Variants in PTPRD observed in about 807,000 individuals in gnomAD.
PTPRD encodes receptor-type tyrosine-protein phosphatase delta.
Under a neutral mutation model 214.5 loss-of-function variants are expected in PTPRD, and 34 were observed. The observed-to-expected ratio is 0.16, with a 90% CI of 0.12 to 0.21. PTPRD has a LOEUF of 0.21. PTPRD is among the 10% of genes least tolerant of loss of function. The probability of loss-of-function intolerance (pLI) is 1.00; values close to 1 mark genes in which losing one functional copy is unlikely to be tolerated. For synonymous variants in PTPRD, 1,128 were observed against 845.7 expected (o/e 1.33, Z -5.79); for missense variants, 2,545 against 2,398.7 (o/e 1.06, Z -1.27).
At chr9:9,898,691 A>G (rs758995382) in intron 5 of PTPRD, among the ~76,000 whole-genome samples, 24 of 152,106 alleles carry the variant, frequency 1.6e-4, no homozygotes, top group Admixed American at 1.3e-4. Context: ...GGATTGAGAT[A>G]TTTGGCATAG....
At chr9:8,346,104 C>G (rs1857359072) in intron 39 of PTPRD, among the ~76,000 whole-genome samples, 1 of 152,090 alleles carries the variant, frequency 6.6e-6, no homozygotes, top group Admixed American at 6.6e-5. Context: ...TCCTCCCACT[C>G]TCAGGCTCTC....
intron 5 of PTPRD, among the ~76,000 whole-genome samples, chr9:9,924,305 A>G (rs1452899270): frequency 6.6e-6 from 1 of 152,020 alleles, no homozygotes; most frequent in Non-Finnish European, 1.5e-5. Flanking sequence ...GTAGTTACCA[A>G]AAGGACCAGA....
chr9:9,241,347 AT>A (rs2099970256), intron 9 of PTPRD, among the ~76,000 whole-genome samples: 1 of 152,132 alleles, frequency 6.6e-6, no homozygotes, highest in African/African-American at 2.4e-5. Context: ...GAGTATTCTC[AT>A]TTTTATGGCA....
chr9:9,947,791 T>TA lies in PTPRD; in HGVS notation c.-471-9182dup, dbSNP rs1308787132. Among the ~76,000 whole-genome samples, 9 of 146,288 alleles carry TA rather than the reference T, an allele frequency of 6.2e-5. No homozygotes were observed. In the South Asian group the frequency reaches 8.5e-4, roughly 14 times the overall value. Reference sequence around the variant, plus strand: ...ACTTTTCCTATAACATGTATGAACCTAAAAAAAATCCATAAAGAGATTCAA... The same window carrying TA: ...ACTTTTCCTATAACATGTATGAACCTAAAAAAAAATCCATAAAGAGATTCAA... On this transcript the variant is annotated intron_variant, in intron 4 of 45. Coordinates refer to ENST00000381196, the MANE Select transcript of PTPRD (RefSeq NM_002839.4).
chr9:10,397,970 G>C (rs2098202989), intron 2 of PTPRD, among the ~76,000 whole-genome samples: 1 of 151,772 alleles, frequency 6.6e-6, no homozygotes, highest in African/African-American at 2.4e-5. Context: ...ATTAGGAGCA[G>C]GTAAAATTAA....
intron 3 of PTPRD, among the ~76,000 whole-genome samples, chr9:10,105,396 G>C (rs1229014022): frequency 2.0e-5 from 3 of 151,862 alleles, no homozygotes; most frequent in Non-Finnish European, 2.9e-5. Flanking sequence ...AGGTAGAAAA[G>C]CTACATTTAG....
chr9:8,963,551 T>A (rs1190984592), intron 11 of PTPRD, among the ~76,000 whole-genome samples: 1 of 152,178 alleles, frequency 6.6e-6, no homozygotes, highest in African/African-American at 2.4e-5. Flanking sequence ...GTTTATGTGG[T>A]GAATCACATT....
chr9:8,817,962 A>G (rs934342532), intron 11 of PTPRD, among the ~76,000 whole-genome samples: 1 of 152,210 alleles, frequency 6.6e-6, no homozygotes, highest in Non-Finnish European at 1.5e-5. Flanking sequence ...AGCATCATCA[A>G]TACCATTAAA....
At chr9:9,290,969 T>C (rs1298015857) in intron 9 of PTPRD, among the ~76,000 whole-genome samples, 2 of 151,430 alleles carry the variant, frequency 1.3e-5, no homozygotes, top group Admixed American at 6.6e-5. Context: ...CTAACCAAGA[T>C]CTTAGTTACC....
At chr9:10,285,520 G>A (rs977926619) in intron 3 of PTPRD, among the ~76,000 whole-genome samples, 92 of 150,960 alleles carry the variant, frequency 6.1e-4, no homozygotes, top group African/African-American at 2.1e-3. Flanking sequence ...AGCCTTTGAA[G>A]CAAGGCTGCT....
rs1328923867 is a variant in PTPRD at position 10,514,276 on chromosome 9, TA to T, written c.-600+98121del. ...CTGCATATTTAATTTTTCTTTTATG[TA>T]TTTTTTTTTATAAACTCTTCTTTGG... On this transcript the variant is annotated intron_variant, in intron 2 of 45. Coordinates refer to ENST00000381196, the MANE Select transcript of PTPRD (RefSeq NM_002839.4). Among the ~76,000 whole-genome samples the T allele has an allele frequency of 4.6e-5, 7 of 151,758 alleles. No homozygotes were observed. The South Asian group carries it at 8.3e-4, about 18-fold the overall frequency.
intron 8 of PTPRD, among the ~76,000 whole-genome samples, chr9:9,421,715 T>C (rs778267708): frequency 1.3e-5 from 2 of 152,054 alleles, no homozygotes; most frequent in Non-Finnish European, 2.9e-5. Context: ...AAAATATTCA[T>C]GCAATACAGT....
At chr9:10,588,273 G>A (rs2074447543) in intron 2 of PTPRD, among the ~76,000 whole-genome samples, 1 of 151,956 alleles carries the variant, frequency 6.6e-6, no homozygotes, top group Admixed American at 6.6e-5. Context: ...GTCTTTGTAA[G>A]GTAGTGCAAA....
rs903949374 is a variant in PTPRD, at chr9:9,456,402, T to C, written c.-236-58920A>G. ...TAGATAAAGATTAAATACAAAACCA[T>C]TCAATTCCTCCCAATAAGTTGGTAA... On this transcript the variant is annotated intron_variant, in intron 8 of 45. Transcript: ENST00000381196. Among the ~76,000 whole-genome samples the C allele has an allele frequency of 9.5e-4, 144 of 151,964 alleles. 1 individual carries two copies. Among genetic ancestry groups the C allele is most frequent in the African/African-American group, 3.3e-3 (138 of 41,530 alleles).
chr9:9,101,346 T>C (rs1422763437), intron 10 of PTPRD, among the ~76,000 whole-genome samples: 2 of 152,126 alleles, frequency 1.3e-5, no homozygotes, highest in Admixed American at 1.3e-4. Flanking sequence ...GAACATTAAT[T>C]ATAGACAGAT....
chr9:9,286,800 T>C (rs1050958003), intron 9 of PTPRD, among the ~76,000 whole-genome samples: 12 of 145,128 alleles, frequency 8.3e-5, no homozygotes, highest in Middle Eastern at 3.6e-3. Context: ...GTTGATAGCA[T>C]AGTGCCTGAA....
intron 44 of PTPRD, among the ~76,000 whole-genome samples, chr9:8,328,377 G>T (rs191995387): frequency 8.8e-4 from 134 of 152,264 alleles, no homozygotes; most frequent in African/African-American, 3.2e-3. Flanking sequence ...GGTTGCTGTC[G>T]AGAGACCTGC....
chr9:9,261,679 G>C (rs1021456364), intron 9 of PTPRD, among the ~76,000 whole-genome samples: 3 of 142,906 alleles, frequency 2.1e-5, no homozygotes, highest in African/African-American at 7.9e-5. Context: ...TGTGTGTTCA[G>C]GAGGGAGAGG....
At chr9:9,766,734 G>C (rs1387487286) in intron 6 of PTPRD, 76 bp downstream of exon 6, 1 of 152,326 alleles carries the variant, frequency 6.6e-6, no homozygotes, top group African/African-American at 2.4e-5. Context: ...GCATGCAACA[G>C]TAATATAATT....
Sources: allele counts gnomAD v4.1 joint callset (sites outside exome capture counted in the v4.1 genomes callset), GRCh38; gene constraint gnomAD v4.1.1; transcripts MANE v1.5; gene names NCBI Gene and HGNC (gene_info 2026-07-23, HGNC 2026-07-21).